C4orf50: variants seen among roughly 807,000 people sequenced by gnomAD.
C4orf50 encodes chromosome 4 open reading frame 50.
In C4orf50, 80 loss-of-function variants were observed where a neutral mutation model predicts 77.2. The observed-to-expected ratio is 1.04, with a 90% CI of 0.87 to 1.25. The LOEUF (loss-of-function observed/expected upper bound fraction) is 1.25, where lower values mean the gene tolerates loss of function less well. Among genes scored for constraint, C4orf50 ranks in the 50% most tolerant of loss-of-function variants. The probability of loss-of-function intolerance (pLI) is 0.00; values close to 1 mark genes in which losing one functional copy is unlikely to be tolerated. For synonymous variants in C4orf50, 532 were observed against 465.3 expected, an observed-to-expected ratio of 1.14 and a Z score of -1.84; for missense variants, 1,257 against 1,152.9, an observed-to-expected ratio of 1.09 and a Z score of -1.31.
chr4:6,003,207 A>T (rs541334219), intron 25 of C4orf50, among the ~76,000 whole-genome samples: 75 of 152,156 alleles, frequency 4.9e-4, no homozygotes, highest in African/African-American at 1.8e-3. Flanking sequence ...GGCCCCATCC[A>T]CCCTAGGGAC....
intron 7 of C4orf50, among the ~76,000 whole-genome samples, chr4:5,929,716 C>A (rs1382702853): frequency 6.6e-6 from 1 of 152,230 alleles, no homozygotes; most frequent in East Asian, 1.9e-4. Context: ...TCTGTGAGCG[C>A]TAGCCCTAAA....
intron 7 of C4orf50, among the ~76,000 whole-genome samples, chr4:5,951,533 A>C (rs950469702): frequency 1.3e-5 from 2 of 152,260 alleles, no homozygotes; most frequent in African/African-American, 4.8e-5. Context: ...TCATGAGCAA[A>C]GAAATACAAA....
intron 7 of C4orf50, among the ~76,000 whole-genome samples, chr4:5,910,936 G>T (rs1417189918): frequency 1.6e-4 from 22 of 138,070 alleles, no homozygotes; most frequent in African/African-American, 5.0e-4. Flanking sequence ...TTGAGACGGA[G>T]TCTCTGTCGC....
At chr4:5,981,623 C>T (rs56060231) in intron 28 of C4orf50, among the ~76,000 whole-genome samples, 15,938 of 151,916 alleles carry the variant, frequency 0.1, 827 homozygotes, top group Middle Eastern at 0.12. Context: ...AGGCTAGTCT[C>T]GAACTCCAGA....
At position 5,949,114 on chromosome 4, in the gene C4orf50, A is replaced by C. The variant is rs530043833; in HGVS notation, c.*2474+7787T>G. Among the ~76,000 whole-genome samples the C allele has an allele frequency of 9.2e-5, 14 of 152,310 alleles. No individual in the cohort carries two copies. The East Asian group carries it at 2.7e-3, about 29-fold the overall frequency. On this transcript the variant is annotated intron_variant, in intron 7 of 7. Transcript: ENST00000324058. ...GAGCCAATGGCCAATTCAAGGACAG[A>C]CAGCAGAGGGGAGAGCACAGCAAAC...
intron 7 of C4orf50, among the ~76,000 whole-genome samples, chr4:5,918,725 C>T (rs527989637): frequency 1.4e-4 from 22 of 152,350 alleles, no homozygotes; most frequent in African/African-American, 4.1e-4. Context: ...CTCTCTCCGC[C>T]CTTCTGCATT....
Position 5,986,080 on chromosome 4 carries a change from C to T in C4orf50, c.3699+2267G>A, listed in dbSNP as rs140194500. On this transcript the variant is annotated intron_variant, in intron 28 of 33. Coordinates refer to ENST00000531445, the Ensembl canonical transcript of C4orf50. ...ACACTCAGAGTGGAAGATTTTAAAA[C>T]ATGTCTTGGTTAATGACAAAACAAA... Among the ~76,000 whole-genome samples the T allele has an allele frequency of 3.6e-3, 541 of 152,244 alleles. 3 individuals are homozygous for T. Among genetic ancestry groups the T allele is most frequent in the Admixed American group, 5.7e-3 (87 of 15,292 alleles).
At chr4:5,917,416 T>C (rs1267639202) in intron 7 of C4orf50, among the ~76,000 whole-genome samples, 2 of 106,744 alleles carry the variant, frequency 1.9e-5, no homozygotes, top group Non-Finnish European at 3.4e-5. Context: ...CTTTTTTTTT[T>C]TTTTTTTTTT....
chr4:5,959,139 A>G (rs1719129804), exon 34 of C4orf50: 4 of 530,874 alleles, frequency 7.5e-6, no homozygotes, highest in Non-Finnish European at 1.3e-5. Flanking sequence ...GGTACAGTAA[A>G]TATTTCCTAT....
chr4:5,898,420 G>A (rs73208699), intron 7 of C4orf50: 13,078 of 152,220 alleles, frequency 0.086, 780 homozygotes, highest in Admixed American at 0.17. Flanking sequence ...TTTAAGAAGC[G>A]TGCTATTTCT....
chr4:5,968,423 G>T (rs1039253885), intron 31 of C4orf50, among the ~76,000 whole-genome samples: 1 of 152,196 alleles, frequency 6.6e-6, no homozygotes, highest in South Asian at 2.1e-4. Context: ...TCTTCTGGTA[G>T]TGACCGGATC....
chr4:5,962,649 C>A (rs1178148389), intron 33 of C4orf50, among the ~76,000 whole-genome samples: 8 of 152,222 alleles, frequency 5.3e-5, no homozygotes, highest in Non-Finnish European at 1.0e-4. Flanking sequence ...AGCCAGGTGC[C>A]CCTGGTTGGA....
In C4orf50 at chr4:5,915,065, C is replaced by T. The variant is rs543679688; in HGVS notation, c.*2475-16877G>A. ...TATCTTCAATATACAGGACAGGCAC[C>T]GCAAATGTCTCTGCCCTGCTTCCAG... On this transcript the variant is annotated intron_variant, in intron 7 of 7. Transcript: ENST00000324058. Among the ~76,000 whole-genome samples, 11 of 152,288 alleles carry T rather than the reference C, an allele frequency of 7.2e-5. No homozygotes were observed. In the South Asian group the frequency reaches 8.3e-4, roughly 12 times the overall value.
At chr4:5,920,384 A>G (rs1165205744) in intron 7 of C4orf50, among the ~76,000 whole-genome samples, 1 of 151,970 alleles carries the variant, frequency 6.6e-6, no homozygotes, top group African/African-American at 2.4e-5. Flanking sequence ...CCTGGTGCCT[A>G]TAACAGGGTC....
At chr4:5,955,429 G>T (rs1718912853), downstream of C4orf50, among the ~76,000 whole-genome samples, 1 of 152,160 alleles carries the variant, frequency 6.6e-6, no homozygotes, top group African/African-American at 2.4e-5. This position sits in a 1 kb window ranked among gnomAD's most constrained non-coding sequence, Gnocchi z 5.1. Context: ...CCTGGGCTGT[G>T]AATGCCACCG....
At chr4:5,943,591 C>T (rs1329107757) in intron 7 of C4orf50, among the ~76,000 whole-genome samples, 1 of 152,218 alleles carries the variant, frequency 6.6e-6, no homozygotes, top group Non-Finnish European at 1.5e-5. Context: ...TCTTGTTCCT[C>T]TCTCCTCACA....
At chr4:5,911,971 C>G (rs4593078) in intron 7 of C4orf50, among the ~76,000 whole-genome samples, 144,769 of 152,250 alleles carry the variant, frequency 0.95, 69,055 homozygotes, top group East Asian at 1. Context: ...GCTTTAACCC[C>G]GGAGGCGGAG....
intron 7 of C4orf50, among the ~76,000 whole-genome samples, chr4:5,926,622 A>T (rs1717526382): frequency 6.8e-6 from 1 of 147,828 alleles, no homozygotes; most frequent in Non-Finnish European, 1.5e-5. Flanking sequence ...TTTTGCCTCA[A>T]TTTTTTTTTT....
chr4:5,980,749 G>A (rs893086696), intron 28 of C4orf50, among the ~76,000 whole-genome samples: 1 of 152,180 alleles, frequency 6.6e-6, no homozygotes, highest in African/African-American at 2.4e-5. Flanking sequence ...CTGTTATACT[G>A]AAACAGTGTG....
Sources: allele counts gnomAD v4.1 joint callset (sites outside exome capture counted in the v4.1 genomes callset), GRCh38; gene constraint gnomAD v4.1.1; non-coding constraint Gnocchi (gnomAD v3.1); transcripts MANE v1.5; gene names NCBI Gene and HGNC (gene_info 2026-07-23, HGNC 2026-07-21).